Variants in RNF144A observed in about 807,000 individuals in gnomAD.
RNF144A encodes the protein ring finger protein 144A.
In RNF144A, 11 loss-of-function variants were observed where a neutral mutation model predicts 38.7. The observed-to-expected ratio is 0.28, with a 90% CI of 0.18 to 0.47. The LOEUF is 0.47. Ranked by LOEUF, RNF144A falls within the 20% of genes least tolerant of loss-of-function variation. The probability of loss-of-function intolerance (pLI) is 0.99; values close to 1 mark genes in which losing one functional copy is unlikely to be tolerated. For missense variants in RNF144A, 316 were observed against 377.2 expected, an observed-to-expected ratio of 0.84 and a Z score of 1.34; for synonymous variants, 149 against 143.9, an observed-to-expected ratio of 1.04 and a Z score of -0.25.
chr2:6,935,401 C>T (rs1665503754), intron 1 of RNF144A, among the ~76,000 whole-genome samples: 1 of 152,222 alleles, frequency 6.6e-6, no homozygotes. Context: ...CTTGCAGCTC[C>T]CCGTTCCTCC....
At chr2:6,949,984 T>G (rs574892815) in intron 2 of RNF144A, among the ~76,000 whole-genome samples, 73 of 152,190 alleles carry the variant, frequency 4.8e-4, no homozygotes, top group Admixed American at 7.2e-4. Flanking sequence ...TCTAGAAAAT[T>G]TAGGAGGCAT....
At chr2:6,931,702 G>T (rs376667463) in intron 1 of RNF144A, among the ~76,000 whole-genome samples, 1 of 152,244 alleles carries the variant, frequency 6.6e-6, no homozygotes, top group East Asian at 1.9e-4. Flanking sequence ...TTATCTAGAG[G>T]TGTGCTGTTT....
At chr2:7,009,567 A>C (rs907163231) in intron 3 of RNF144A, among the ~76,000 whole-genome samples, 9 of 151,492 alleles carry the variant, frequency 5.9e-5, no homozygotes, top group African/African-American at 2.2e-4. Context: ...CAAACTTTAT[A>C]ATTTGAACTC....
chr2:7,072,009 C>G (rs150558494), downstream of RNF144A, among the ~76,000 whole-genome samples: 1 of 152,220 alleles, frequency 6.6e-6, no homozygotes, highest in African/African-American at 2.4e-5. Flanking sequence ...GGCAATCCCC[C>G]ACGTTGCCTA....
chr2:7,055,409 A>AGCCT (rs1368144266), intron 6 of RNF144A, among the ~76,000 whole-genome samples: 11 of 152,160 alleles, frequency 7.2e-5, no homozygotes, highest in Non-Finnish European at 1.0e-4. Flanking sequence ...TACCACCTTT[A>AGCCT]GCCTACTCCT....
At position 7,043,420 on chromosome 2, in the gene RNF144A, T is replaced by C. The variant is rs1572472175; in HGVS notation, c.*3660T>C. On this transcript the variant is annotated 3_prime_UTR_variant, in exon 9 of 9. Transcript: ENST00000320892. ...GATTGAAAGGATCCAGGATGGGCTT[T>C]GTGTGTGTGTCTCAGATTCTCATTT... The C allele has an allele frequency of 3.0e-6, 3 of 985,618 alleles. No individual in the cohort carries two copies. The East Asian group carries it at 3.4e-4, about 112-fold the overall frequency. The allele number at this position is 985,618 out of a possible 1,614,324, so 61.1% of individuals were successfully genotyped here.
At chr2:6,955,095 T>C (rs1572260228) in intron 2 of RNF144A, among the ~76,000 whole-genome samples, 1 of 152,286 alleles carries the variant, frequency 6.6e-6, no homozygotes, top group East Asian at 1.9e-4. Context: ...ACATGGCTTG[T>C]TAGGATAAGA....
At chr2:6,975,994 C>T (rs1225902059) in intron 2 of RNF144A, among the ~76,000 whole-genome samples, 4 of 152,186 alleles carry the variant, frequency 2.6e-5, no homozygotes, top group South Asian at 2.1e-4. Flanking sequence ...CTTTCTTCAG[C>T]GGCACAGTAT....
rs758488226 is a variant in RNF144A, at chr2:6,941,958, G to A, written c.-12+811G>A. ...TGTGCCTGCCATTGCAGGCTGTGGG[G>A]GAATTCTAGGTTCATGATGGGATAT... On this transcript the variant is annotated intron_variant, in intron 2 of 8. Transcript: ENST00000320892. This position sits in a 1 kb window ranked among gnomAD's most constrained non-coding sequence, Gnocchi z 6.5. 1.3e-5 allele frequency among the ~76,000 whole-genome samples: 2 copies of A among 152,244 alleles called. No homozygotes were observed. Among genetic ancestry groups the A allele is most frequent in the Non-Finnish European group, 2.9e-5 (2 of 68,038 alleles).
At chr2:7,017,649 C>T (rs1444399589) in intron 5 of RNF144A, among the ~76,000 whole-genome samples, 1 of 152,204 alleles carries the variant, frequency 6.6e-6, no homozygotes, top group Non-Finnish European at 1.5e-5. Flanking sequence ...ATGAATACGC[C>T]TCTGGGAGAG....
chr2:6,942,134 G>A (rs1666032787), intron 2 of RNF144A, among the ~76,000 whole-genome samples: 1 of 152,236 alleles, frequency 6.6e-6, no homozygotes. Context: ...AGAGGACAAG[G>A]CTACAGTCCA....
chr2:6,946,863 A>T (rs1203372630), intron 2 of RNF144A, among the ~76,000 whole-genome samples: 7 of 152,210 alleles, frequency 4.6e-5, no homozygotes, highest in Non-Finnish European at 8.8e-5. Context: ...CTGGACTTGA[A>T]TGACTAATGT....
chr2:7,054,289 C>G (rs1673640738), intron 6 of RNF144A, among the ~76,000 whole-genome samples: 1 of 152,330 alleles, frequency 6.6e-6, no homozygotes, highest in East Asian at 1.9e-4. Flanking sequence ...TCAGCCATCA[C>G]CCACTACCCT....
chr2:6,984,107 C>T (rs531686299), intron 2 of RNF144A, among the ~76,000 whole-genome samples: 2 of 152,266 alleles, frequency 1.3e-5, no homozygotes, highest in South Asian at 4.1e-4. Flanking sequence ...GTCTCAGCCC[C>T]AGCTCCCTCT....
chr2:7,034,306 G>A (rs1204883752), intron 8 of RNF144A, among the ~76,000 whole-genome samples: 1 of 152,068 alleles, frequency 6.6e-6, no homozygotes, highest in Non-Finnish European at 1.5e-5. Flanking sequence ...AGTGCGGTGA[G>A]ACTTGGAGCG....
chr2:6,976,092 G>C (rs1668296063), intron 2 of RNF144A, among the ~76,000 whole-genome samples: 1 of 152,174 alleles, frequency 6.6e-6, no homozygotes, highest in African/African-American at 2.4e-5. Context: ...AGACCCCAGT[G>C]ACTAACTTCC....
chr2:6,951,707 T>C (rs1667891318), intron 2 of RNF144A, among the ~76,000 whole-genome samples: 1 of 152,224 alleles, frequency 6.6e-6, no homozygotes, highest in South Asian at 2.1e-4. Flanking sequence ...CTTAGTTTCT[T>C]TTATACCCTT....
intron 2 of RNF144A, among the ~76,000 whole-genome samples, chr2:6,966,989 C>CTTTAG (rs1317560705): frequency 1.3e-5 from 2 of 152,174 alleles, no homozygotes; most frequent in Admixed American, 1.3e-4. Flanking sequence ...TTGGCTTTAG[C>CTTTAG]TTTAGTGCAT....
rs184942083 is a variant in RNF144A at position 7,025,714 on chromosome 2, G to A, written c.657+1198G>A. On this transcript the variant is annotated intron_variant, in intron 7 of 8. Transcript: ENST00000320892. Reference sequence around the variant, plus strand: ...AAATAAATAAAACTATAATTAAATAGCAGGCCTATTTATCTGTTGGAACCA... The same window carrying A: ...AAATAAATAAAACTATAATTAAATAACAGGCCTATTTATCTGTTGGAACCA... Among the ~76,000 whole-genome samples, 26 of 152,238 alleles carry A rather than the reference G, an allele frequency of 1.7e-4. 1 individual carries two copies. In the East Asian group the frequency reaches 4.2e-3, roughly 25 times the overall value.
Sources: gnomAD v4.1 joint callset for allele counts (sites outside exome capture counted in the v4.1 genomes callset) on GRCh38, gnomAD v4.1.1 for gene constraint, Gnocchi (gnomAD v3.1) non-coding constraint, MANE v1.5 for transcripts, NCBI Gene and HGNC (gene_info 2026-07-23, HGNC 2026-07-21) for gene names.